Variants in PSD3 observed in about 807,000 individuals in gnomAD.
PSD3 encodes the protein pleckstrin and Sec7 domain containing 3.
A neutral mutation model predicts 105.5 loss-of-function variants in PSD3; 49 were observed. The observed-to-expected ratio is 0.46, with a 90% CI of 0.37 to 0.59. PSD3 has a LOEUF of 0.59. PSD3 is among the 20% of genes least tolerant of loss of function. PSD3 has a pLI of 0.00. For missense variants in PSD3, 1,561 were observed against 1,263.8 expected, an observed-to-expected ratio of 1.24 and a Z score of -3.57; for synonymous variants, 557 against 457.8, an observed-to-expected ratio of 1.22 and a Z score of -2.77.
In PSD3 at chr8:18,775,016, C is replaced by G. The variant is rs182838125; in HGVS notation, c.2083-9478G>C. The G allele has an allele frequency of 7.9e-4, 357 of 454,026 alleles. 1 individual carries two copies. Among genetic ancestry groups the G allele is most frequent in the African/African-American group, 6.7e-3 (337 of 50,142 alleles). The allele number at this position is 454,026 out of a possible 1,614,324, so 28.1% of individuals were successfully genotyped here. On this transcript the variant is annotated intron_variant, in intron 8 of 15. Transcript: ENST00000327040. ...AACCCTTTCTAAATCCCCTGTGCCC[C>G]TCCTCCTCCTACCTTCTGGTAACCA...
chr8:18,843,631 G>A (rs909497315), intron 4 of PSD3, among the ~76,000 whole-genome samples: 3 of 152,024 alleles, frequency 2.0e-5, no homozygotes, highest in Admixed American at 6.6e-5. Flanking sequence ...CATCAAAAAC[G>A]GTACAAAGAA....
At chr8:19,055,311 T>A (rs1828671828) in intron 1 of PSD3, among the ~76,000 whole-genome samples, 1 of 152,188 alleles carries the variant, frequency 6.6e-6, no homozygotes, top group African/African-American at 2.4e-5. Flanking sequence ...TGGAGTGCAA[T>A]GGCAGAGTCT....
intron 9 of PSD3, among the ~76,000 whole-genome samples, chr8:18,680,810 T>A (rs1207134499): frequency 6.6e-6 from 1 of 152,196 alleles, no homozygotes; most frequent in Admixed American, 6.5e-5. Context: ...AACCATAAAG[T>A]ACTGGAAAAT....
At chr8:18,752,020 C>CA (rs570576237) in intron 9 of PSD3, among the ~76,000 whole-genome samples, 4,953 of 131,868 alleles carry the variant, frequency 0.038, 246 homozygotes, top group East Asian at 0.2. Context: ...ACTAAAAATA[C>CA]ATAAAAAAAA....
At chr8:18,688,569 A>T (rs1223319298) in intron 9 of PSD3, among the ~76,000 whole-genome samples, 1 of 152,246 alleles carries the variant, frequency 6.6e-6, no homozygotes, top group African/African-American at 2.4e-5. Flanking sequence ...TACAATAATG[A>T]TGCAGTGAAT....
At chr8:18,704,520 T>G (rs1036093107) in intron 9 of PSD3, among the ~76,000 whole-genome samples, 1 of 152,154 alleles carries the variant, frequency 6.6e-6, no homozygotes, top group Non-Finnish European at 1.5e-5. Context: ...GTATTTTTAG[T>G]AGAGACAGGG....
intron 9 of PSD3, chr8:18,730,105 T>A (rs150676042): frequency 5.1e-4 from 78 of 152,322 alleles, no homozygotes; most frequent in Middle Eastern, 3.4e-3. Context: ...ATTGCCTCTT[T>A]CTAATGACAA....
At chr8:18,989,256 G>C (rs147168347) in intron 1 of PSD3, 1 of 152,092 alleles carries the variant, frequency 6.6e-6, no homozygotes, top group South Asian at 2.1e-4. Context: ...TTTTTGAAGT[G>C]GTTTCATTTG....
At chr8:18,748,791 G>A (rs1044615765) in intron 9 of PSD3, among the ~76,000 whole-genome samples, 2 of 152,018 alleles carry the variant, frequency 1.3e-5, no homozygotes, top group African/African-American at 4.8e-5. Flanking sequence ...CACACAAGCT[G>A]GGACTGTGCT....
chr8:18,593,769 A>G (rs1803792529), intron 12 of PSD3, among the ~76,000 whole-genome samples: 1 of 151,996 alleles, frequency 6.6e-6, no homozygotes, highest in South Asian at 2.1e-4. Context: ...TGTGGCACAT[A>G]TACACCATGG....
At chr8:19,007,062 C>A (rs574952665) in intron 1 of PSD3, among the ~76,000 whole-genome samples, 174 of 152,146 alleles carry the variant, frequency 1.1e-3, no homozygotes, top group African/African-American at 4.0e-3. Flanking sequence ...TGAGACCAGC[C>A]TGGCTAACAT....
chr8:18,800,067 C>G (rs12547198), intron 7 of PSD3, among the ~76,000 whole-genome samples: 11,019 of 152,206 alleles, frequency 0.072, 597 homozygotes, highest in East Asian at 0.22. Flanking sequence ...TCTAGTACCA[C>G]TTTATTATCA....
intron 11 of PSD3, among the ~76,000 whole-genome samples, chr8:18,601,910 G>C (rs1177674934): frequency 6.6e-6 from 1 of 152,170 alleles, no homozygotes; most frequent in Non-Finnish European, 1.5e-5. Context: ...GGAGGCACCT[G>C]ACTTGAAAGC....
At chr8:18,627,018 A>G (rs1806528932) in intron 11 of PSD3, among the ~76,000 whole-genome samples, 1 of 150,848 alleles carries the variant, frequency 6.6e-6, no homozygotes, top group South Asian at 2.1e-4. Flanking sequence ...ATGCCCAAGA[A>G]ACAGTAACTG....
At chr8:19,010,193 G>A (rs765562069) in intron 1 of PSD3, among the ~76,000 whole-genome samples, 10 of 152,236 alleles carry the variant, frequency 6.6e-5, no homozygotes, top group African/African-American at 2.2e-4. Context: ...TGCCATGGCC[G>A]CAGCCTGACA....
rs1376654120 is a variant in PSD3 at position 18,607,688 on chromosome 8, AAAAAAAACAAAAC to A, written c.2411-7267_2411-7255del. On this transcript the variant is annotated intron_variant, in intron 11 of 15. Coordinates refer to ENST00000327040, the MANE Select transcript of PSD3 (RefSeq NM_015310.4). Reference sequence around the variant, plus strand: ...ATAACAAGACTCCACTGCTACAAAAAAAAAAAACAAAACAAAAAAAAAAAGGAAGTCAGGTGTA... The same window carrying A: ...ATAACAAGACTCCACTGCTACAAAAAAAAAAAAAAAAGGAAGTCAGGTGTA... Among the ~76,000 whole-genome samples, 9 of 130,180 alleles carry A rather than the reference AAAAAAAACAAAAC, an allele frequency of 6.9e-5. 2 individuals carry two copies. Among genetic ancestry groups the A allele is most frequent in the Non-Finnish European group, 1.2e-4 (7 of 60,600 alleles). 85.4% of individuals were successfully genotyped at this position (130,180 alleles called of 152,430 possible).
chr8:18,726,300 A>G (rs1376711526), intron 9 of PSD3, among the ~76,000 whole-genome samples: 1 of 152,250 alleles, frequency 6.6e-6, no homozygotes, highest in Admixed American at 6.5e-5. Flanking sequence ...AGAGACATTA[A>G]GTTACTGAAC....
chr8:18,912,210 G>A (rs1820270608), intron 2 of PSD3, among the ~76,000 whole-genome samples: 1 of 152,126 alleles, frequency 6.6e-6, no homozygotes, highest in African/African-American at 2.4e-5. Flanking sequence ...ATATAACAGG[G>A]AATATTTGTA....
intron 2 of PSD3, among the ~76,000 whole-genome samples, chr8:18,932,180 A>C (rs1239743076): frequency 6.6e-6 from 1 of 152,220 alleles, no homozygotes. Context: ...AACTCTATGA[A>C]GAAGTTACTA....
Sources: gnomAD v4.1 joint callset for allele counts (sites outside exome capture counted in the v4.1 genomes callset) on GRCh38, gnomAD v4.1.1 for gene constraint, MANE v1.5 for transcripts, NCBI Gene and HGNC (gene_info 2026-07-23, HGNC 2026-07-21) for gene names.